MICAL2: variants seen among roughly 807,000 people sequenced by gnomAD.
The protein encoded by MICAL2 is [F-actin]-monooxygenase MICAL2.
A neutral mutation model predicts 127.3 loss-of-function variants in MICAL2; 77 were observed. That is an observed-to-expected ratio of 0.60 (90% CI 0.50 to 0.73). MICAL2 has a LOEUF of 0.73. Ranked by LOEUF, MICAL2 falls within the 30% of genes least tolerant of loss-of-function variation. The pLI, the probability that MICAL2 is intolerant of heterozygous loss-of-function variation, is 0.00. For missense variants in MICAL2, 1,351 were observed against 1,434.4 expected (o/e 0.94, Z 0.94); for synonymous variants, 570 against 551.1 (o/e 1.03, Z -0.48).
rs78517193 is a variant in MICAL2 at position 12,277,622 on chromosome 11, G to A, written c.87+1456G>A. Among the ~76,000 whole-genome samples the A allele has an allele frequency of 4.1e-3, 623 of 152,278 alleles. 6 individuals are homozygous for A. Among genetic ancestry groups the A allele is most frequent in the African/African-American group, 0.014 (590 of 41,556 alleles). ...GTCTGGGCTAAGAGAAGGTCGGTGCGGCAGGTACACCCTGAGTGGGAAAAG... is the reference window on the plus strand; with the variant it reads ...GTCTGGGCTAAGAGAAGGTCGGTGCAGCAGGTACACCCTGAGTGGGAAAAG... On this transcript the variant is annotated intron_variant, in intron 1 of 2. Transcript: ENST00000529028.
intron 21 of MICAL2, among the ~76,000 whole-genome samples, chr11:12,245,585 A>G (rs184654619): frequency 8.7e-4 from 132 of 152,320 alleles, no homozygotes; most frequent in African/African-American, 3.0e-3. Context: ...CGCTAACAGG[A>G]TCTTCAATGC....
chr11:12,304,683 CACACACACACAA>C (rs1864088702), intron 29 of MICAL2, among the ~76,000 whole-genome samples: 3 of 148,122 alleles, frequency 2.0e-5, no homozygotes, highest in Non-Finnish European at 3.0e-5. Context: ...CACACACACA[CACACACACACAA>C]AACATTCTTC....
intron 3 of MICAL2, among the ~76,000 whole-genome samples, chr11:12,178,475 G>A (rs950724718): frequency 2.0e-5 from 3 of 151,448 alleles, no homozygotes; most frequent in African/African-American, 7.3e-5. Flanking sequence ...GGGGTGGGGG[G>A]CAGGCATGGG....
Position 12,355,233 on chromosome 11 carries a change from G to A in MICAL2, c.5689+376G>A, listed in dbSNP as rs150191989. ...TGGGGAGACTAACACCCCCAGTTCC[G>A]TAATGCTAGTTCAGTGAGATGAAGG... On this transcript the variant is annotated intron_variant, in intron 34 of 34. Transcript: ENST00000646065. Among the ~76,000 whole-genome samples, 650 of 152,306 alleles carry A rather than the reference G, an allele frequency of 4.3e-3. 3 individuals carry two copies. The highest frequency in any genetic ancestry group is 0.015 in the African/African-American group (624 of 41,558).
chr11:12,236,319 G>A, intron 16 of MICAL2, 74 bp downstream of exon 16: 2 of 1,354,098 alleles, frequency 1.5e-6, no homozygotes, highest in South Asian at 2.3e-5. Context: ...GCCTCACTGT[G>A]GTAGCAGCCT....
intron 1 of MICAL2, among the ~76,000 whole-genome samples, chr11:12,135,697 G>A (rs1423516515): frequency 6.6e-6 from 1 of 152,128 alleles, no homozygotes; most frequent in Non-Finnish European, 1.5e-5. Flanking sequence ...CTGATCATAG[G>A]GCCCAAGTTC....
intron 3 of MICAL2, 58 bp from the exon 4 acceptor site, chr11:12,204,192 G>T (rs1161256378): frequency 3.9e-6 from 6 of 1,528,550 alleles, no homozygotes; most frequent in South Asian, 1.1e-5. Flanking sequence ...CTGACTGGGG[G>T]TTCGTGTCTG....
Position 12,256,769 on chromosome 11 carries a change from C to T in MICAL2, c.2956-16C>T, listed in dbSNP as rs549496953. On this transcript the variant is annotated splice_polypyrimidine_tract_variant and intron_variant, in intron 23 of 27. Coordinates refer to ENST00000683283, the MANE Select transcript of MICAL2 (RefSeq NM_001282663.2). ...GATAAGCCATAATACACCCACTCTT[C>T]TCTCCCGATCCCCAGGAATCTATGC... 1.7e-5 allele frequency: 27 copies of T among 1,596,832 alleles called. No individual in the cohort carries two copies. In the South Asian group the frequency reaches 2.3e-4, roughly 13 times the overall value.
downstream of MICAL2, among the ~76,000 whole-genome samples, chr11:12,266,094 A>G (rs1265462811): frequency 6.6e-6 from 1 of 152,258 alleles, no homozygotes; most frequent in Non-Finnish European, 1.5e-5. Context: ...CTTGGATTAC[A>G]GAGTGAGACT....
chr11:12,263,834 A>C (rs1413500652), downstream of MICAL2: 1 of 152,476 alleles, frequency 6.6e-6, no homozygotes, highest in African/African-American at 2.4e-5. Context: ...AAAACCTCAC[A>C]CACAGGGATT....
intron 1 of MICAL2, among the ~76,000 whole-genome samples, chr11:12,122,865 C>G (rs1176665998): frequency 6.6e-6 from 1 of 152,138 alleles, no homozygotes; most frequent in East Asian, 1.9e-4. Context: ...CCACTGGATG[C>G]TTGACTCCAC....
intron 3 of MICAL2, among the ~76,000 whole-genome samples, chr11:12,167,370 GC>G (rs1855635148): frequency 6.6e-6 from 1 of 152,128 alleles, no homozygotes; most frequent in African/African-American, 2.4e-5. Context: ...CCTGTGTGTA[GC>G]CCAGGCCCCG....
rs1004791793 is a variant in MICAL2 at position 12,199,380 on chromosome 11, G to A, written c.265-4870G>A. Reference sequence around the variant, plus strand: ...AGGGTGGGTAAGCCAGCTGGAGAACGCCACACCCTGGTCAAGTGCTAGCTT... The same window carrying A: ...AGGGTGGGTAAGCCAGCTGGAGAACACCACACCCTGGTCAAGTGCTAGCTT... On this transcript the variant is annotated intron_variant, in intron 3 of 27. Coordinates refer to ENST00000683283, the MANE Select transcript of MICAL2 (RefSeq NM_001282663.2). Among the ~76,000 whole-genome samples the A allele has an allele frequency of 6.6e-5, 10 of 152,206 alleles. No individual in the cohort carries two copies. In the East Asian group the frequency reaches 1.2e-3, roughly 18 times the overall value.
chr11:12,334,279 T>A (rs1181689171), intron 32 of MICAL2, among the ~76,000 whole-genome samples: 1 of 152,198 alleles, frequency 6.6e-6, no homozygotes, highest in African/African-American at 2.4e-5. Context: ...TCCTCTTGCA[T>A]ACTTGAAATC....
Position 12,259,917 on chromosome 11 carries a change from T to C in MICAL2, c.3334+20T>C, listed in dbSNP as rs748934010. The C allele has an allele frequency of 2.5e-6, 4 of 1,611,976 alleles. No homozygotes were observed. Among genetic ancestry groups the C allele is most frequent in the Non-Finnish European group, 3.4e-6 (4 of 1,179,056 alleles). On this transcript the variant is annotated intron_variant, in intron 26 of 27. Transcript: ENST00000683283. ...CCCCAGGTATCTCCACCTCCTTCTT[T>C]AGGAAGGTGCTGGGCTGGCCCCTCA... is the stretch of plus-strand genomic sequence containing the variant.
chr11:12,268,173 A>G (rs1237645716), downstream of MICAL2, among the ~76,000 whole-genome samples: 1 of 152,230 alleles, frequency 6.6e-6, no homozygotes, highest in African/African-American at 2.4e-5. Flanking sequence ...CTGGAGGAAG[A>G]GAAGTCTGAC....
intron 3 of MICAL2, among the ~76,000 whole-genome samples, chr11:12,180,349 A>ATATATATATATATATATATATTTTT (rs11403732): frequency 7.2e-5 from 10 of 139,670 alleles, no homozygotes; most frequent in African/African-American, 2.7e-4. Flanking sequence ...ATATGTATAT[A>ATATATATATATATATATATATTTTT]TTTTTTTTTT....
chr11:12,182,382 C>G (rs537435986), intron 3 of MICAL2, among the ~76,000 whole-genome samples: 2 of 152,190 alleles, frequency 1.3e-5, no homozygotes, highest in South Asian at 4.2e-4. Flanking sequence ...GGTCAAATCT[C>G]TGCTCCTCTG....
intron 1 of MICAL2, among the ~76,000 whole-genome samples, chr11:12,280,781 T>A (rs1482284292): frequency 6.6e-6 from 1 of 152,150 alleles, no homozygotes; most frequent in Non-Finnish European, 1.5e-5. Context: ...ATTCAACCCA[T>A]AACAAAGTCC....
Sources: allele counts gnomAD v4.1 joint callset (sites outside exome capture counted in the v4.1 genomes callset), GRCh38; gene constraint gnomAD v4.1.1; transcripts MANE v1.5; gene names NCBI Gene and HGNC (gene_info 2026-07-23, HGNC 2026-07-21).